Variants in ITIH1 observed in about 807,000 individuals in gnomAD.
The protein encoded by ITIH1 is inter-alpha-trypsin inhibitor heavy chain 1.
ITIH1 carries 94 observed loss-of-function variants against 104.6 expected under a neutral mutation model. The ratio of observed to expected loss-of-function variants is 0.90; its 90% CI spans 0.76 to 1.07. ITIH1 has a LOEUF of 1.07. Ranked by LOEUF, ITIH1 falls within the 50% of genes least tolerant of loss-of-function variation. The pLI is 0.00. For missense variants in ITIH1, 1,193 were observed against 1,181.4 expected (o/e 1.01, Z -0.14); for synonymous variants, 455 against 464.4 (o/e 0.98, Z 0.26).
intron 20 of ITIH1, among the ~76,000 whole-genome samples, chr3:52,791,288 C>T (rs1024321819): frequency 6.6e-6 from 1 of 152,086 alleles, no homozygotes; most frequent in Non-Finnish European, 1.5e-5. Flanking sequence ...TCTCCCCAGA[C>T]AGATCCCGTT....
In ITIH1 at chr3:52,782,162, C is replaced by A. The variant is rs759736578; in HGVS notation, c.825C>A (p.Asn275Lys). 2.5e-6 allele frequency: 4 copies of A among 1,614,068 alleles called. No homozygotes were observed. In the South Asian group the frequency reaches 3.3e-5, roughly 13 times the overall value. ...CTCCTCTATTTCAGGTGGCCAATAA[C>A]CACTTTGCCCACTTCTTTGCCCCCC... ...DKICDLLVAN[N>K]HFAHFFAPQN... The change falls in exon 8 of 22, where the codon AAC becomes AAA. Residue 275 changes from asparagine to lysine, a missense_variant. Physicochemically the swap from Asn to Lys is moderately conservative, Grantham distance 94. Transcript: ENST00000273283.
intron 15 of ITIH1, 45 bp downstream of exon 15, chr3:52,787,247 T>C: frequency 1.9e-6 from 3 of 1,612,830 alleles, no homozygotes; most frequent in Non-Finnish European, 2.5e-6. Context: ...CTTCGGTAGC[T>C]GGGCAGGTGG....
chr3:52,784,569 A>G, intron 11 of ITIH1, 92 bp downstream of exon 11: 1 of 1,270,220 alleles, frequency 7.9e-7, no homozygotes, highest in Non-Finnish European at 1.1e-6. Flanking sequence ...AGGAGCAGAT[A>G]AAGCTCTGGC....
At chr3:52,782,305 T>C (rs1406530314) in intron 8 of ITIH1, 38 bp downstream of exon 8, 1 of 1,498,272 alleles carries the variant, frequency 6.7e-7, no homozygotes, top group African/African-American at 1.4e-5. Context: ...CAGCAGAAGC[T>C]TCCACAGCCC....
chr3:52,788,504 G>A (rs937486493), intron 18 of ITIH1, among the ~76,000 whole-genome samples, 159 bp downstream of exon 18: 5 of 151,992 alleles, frequency 3.3e-5, no homozygotes, highest in African/African-American at 1.2e-4. Flanking sequence ...CCATCCTCCT[G>A]GCTGCACCTA....
At position 52,781,980 on chromosome 3, in the gene ITIH1, C is replaced by T; in HGVS notation, c.728C>T (p.Ser243Phe). 1 of 1,614,192 alleles carries T rather than the reference C, an allele frequency of 6.2e-7. No homozygotes were observed. The highest frequency in any genetic ancestry group is 8.5e-7 in the Non-Finnish European group (1 of 1,180,042). The change falls in exon 7 of 22, where the codon TCC (serine) becomes TTC (phenylalanine). Residue 243 changes from serine to phenylalanine, a missense_variant. By Grantham distance (155) the Ser-to-Phe change is radical (BLOSUM62 -2). Transcript: ENST00000273283. ...CGTCCCACCGTGAGCCAGCAGCAGT[C>T]CTGCCCCACATGCTCTACATCCTTA... ...LFRPTVSQQQ[S>F]CPTCSTSLLN...
At chr3:52,778,084 T>A in intron 2 of ITIH1, 67 bp downstream of exon 2, 1 of 1,552,972 alleles carries the variant, frequency 6.4e-7, no homozygotes, top group Non-Finnish European at 8.9e-7. Flanking sequence ...TTCCCCAACC[T>A]GTCAGGGGTG....
At chr3:52,791,358 C>A (rs1345199072) in intron 20 of ITIH1, among the ~76,000 whole-genome samples, 159 bp from the exon 21 acceptor site, 1 of 152,082 alleles carries the variant, frequency 6.6e-6, no homozygotes, top group Admixed American at 6.5e-5. Flanking sequence ...GCAAGTGAAC[C>A]AAAGGTAGCT....
At chr3:52,782,754 A>T (rs769252646) in intron 8 of ITIH1, among the ~76,000 whole-genome samples, 4 of 151,922 alleles carry the variant, frequency 2.6e-5, no homozygotes, top group African/African-American at 9.7e-5. Flanking sequence ...TCTTTTCCCC[A>T]TGGTGGGTTC....
chr3:52,779,786 T>C lies in ITIH1; in HGVS notation c.573+192T>C. ...CCTGAATTCTCTAACTTCCTCTTTATCTCTGAGCTTCGGTTTGCTCATCTG... is the reference window on the plus strand; with the variant it reads ...CCTGAATTCTCTAACTTCCTCTTTACCTCTGAGCTTCGGTTTGCTCATCTG... On this transcript the variant is annotated intron_variant, in intron 5 of 21. Coordinates refer to ENST00000273283, the MANE Select transcript of ITIH1 (RefSeq NM_002215.4). The surrounding 1 kb of genome is among the most constrained non-coding windows in gnomAD (Gnocchi z 4.4). The C allele has an allele frequency of 9.6e-7, 1 of 1,044,880 alleles. No individual in the cohort carries two copies. Among genetic ancestry groups the C allele is most frequent in the Non-Finnish European group, 1.4e-6 (1 of 736,378 alleles). The allele number at this position is 1,044,880 out of a possible 1,614,324, so 64.7% of individuals were successfully genotyped here.
At chr3:52,791,697 G>A in intron 21 of ITIH1, 69 bp downstream of exon 21, 1 of 1,607,766 alleles carries the variant, frequency 6.2e-7, no homozygotes, top group South Asian at 1.1e-5. Flanking sequence ...CTTCCTCCAG[G>A]TGTCACATGG....
At chr3:52,781,220 CT>C (rs1699038581) in intron 6 of ITIH1, among the ~76,000 whole-genome samples, 2 of 42,618 alleles carry the variant, frequency 4.7e-5, no homozygotes, top group African/African-American at 9.0e-5. Context: ...TCTTCTTCTT[CT>C]TCTTCTTCTT....
chr3:52,781,664 T>C (rs1291014978), intron 6 of ITIH1, among the ~76,000 whole-genome samples: 1 of 152,186 alleles, frequency 6.6e-6, no homozygotes, highest in East Asian at 1.9e-4. Flanking sequence ...ATCACATTGC[T>C]ATTATTTTGT....
At position 52,784,454 on chromosome 3, in the gene ITIH1, C is replaced by T; in HGVS notation, c.1384C>T (p.His462Tyr). Residue 462 changes from histidine (H) to tyrosine (Y), a missense_variant, in exon 11 of 22, where the codon CAT (histidine) becomes TAT (tyrosine). His to Tyr is a moderately conservative substitution (Grantham distance 83). Transcript: ENST00000273283. ...NGRAQRIYED[H>Y]DATQQLQGFY... ...ACGGGCCCAGAGAATCTACGAGGACCATGATGCCACCCAGCAGCTGCAGGT... is the reference window on the plus strand; with the variant it reads ...ACGGGCCCAGAGAATCTACGAGGACTATGATGCCACCCAGCAGCTGCAGGT... 1 of 1,614,062 alleles carries T rather than the reference C, an allele frequency of 6.2e-7. No homozygotes were observed. Among genetic ancestry groups the T allele is most frequent in the South Asian group, 1.1e-5 (1 of 91,080 alleles).
Position 52,779,185 on chromosome 3 carries a change from G to A in ITIH1, c.410+139G>A. 1 of 750,324 alleles carries A rather than the reference G, an allele frequency of 1.3e-6. No homozygotes were observed. 46.5% of individuals were successfully genotyped at this position (750,324 alleles called of 1,614,324 possible). ...GCAAACTGCCCAAACCCAGATGCCAGCACGGTGCACTGAACAGGCTGCCGT... is the reference window on the plus strand; with the variant it reads ...GCAAACTGCCCAAACCCAGATGCCAACACGGTGCACTGAACAGGCTGCCGT... On this transcript the variant is annotated intron_variant, in intron 4 of 21. Transcript: ENST00000273283. The surrounding 1 kb of genome is among the most constrained non-coding windows in gnomAD (Gnocchi z 4.4).
chr3:52,780,640 C>G (rs1227573458), intron 6 of ITIH1, among the ~76,000 whole-genome samples: 1 of 152,244 alleles, frequency 6.6e-6, no homozygotes, highest in Non-Finnish European at 1.5e-5. Flanking sequence ...GCTGCATGGT[C>G]CAGGGTGAGT....
chr3:52,782,236 G>C lies in ITIH1; in HGVS notation c.899G>C (p.Ser300Thr), dbSNP rs148711646. ...AACGTGGTTTTTGTGATTGACATCA[G>C]TGGCTCCATGAGAGGCCAGAAAGTG... ...NKNVVFVIDI[S>T]GSMRGQKVKQ... Residue 300 changes from serine to threonine, a missense_variant, in exon 8 of 22, where the codon AGT (serine) becomes ACT (threonine). Coordinates refer to ENST00000273283, the MANE Select transcript of ITIH1 (RefSeq NM_002215.4). 36 of 1,614,180 alleles carry C rather than the reference G, an allele frequency of 2.2e-5. No homozygotes were observed. The African/African-American group carries it at 3.5e-4, about 16-fold the overall frequency.
chr3:52,790,827 C>T lies in ITIH1; in HGVS notation c.2400C>T (p.His800=). 6.2e-7 allele frequency: 1 copy of T among 1,612,924 alleles called. No individual in the cohort carries two copies. The highest frequency in any genetic ancestry group is 8.5e-7 in the Non-Finnish European group (1 of 1,179,492). Residue 800 remains histidine (H), a synonymous_variant, in exon 20 of 22, where the codon CAC becomes CAT. Coordinates refer to ENST00000273283, the MANE Select transcript of ITIH1 (RefSeq NM_002215.4). ...GTGGCACCTTTGAGGTTGTTTTGCA[C>T]CGAGTGTGGAAGGGGAGCTCGGTCC... ...DDGGTFEVVL[H]RVWKGSSVHQ...
At chr3:52,778,666 G>A in intron 3 of ITIH1, 160 bp downstream of exon 3, 1 of 1,455,570 alleles carries the variant, frequency 6.9e-7, no homozygotes, top group South Asian at 1.5e-5. Flanking sequence ...AAGCCCTTTA[G>A]GTCTGTGCTT....
Sources: allele counts gnomAD v4.1 joint callset (sites outside exome capture counted in the v4.1 genomes callset), GRCh38; gene constraint gnomAD v4.1.1; non-coding constraint Gnocchi (gnomAD v3.1); transcripts MANE v1.5; gene names NCBI Gene and HGNC (gene_info 2026-07-23, HGNC 2026-07-21).